The following SGCZ variants were observed in gnomAD, a reference collection of about 807,000 sequenced individuals.
SGCZ encodes zeta-sarcoglycan.
In SGCZ, 40 loss-of-function variants were observed where a neutral mutation model predicts 41.3. That is an observed-to-expected ratio of 0.97 (90% confidence interval 0.75 to 1.26). The LOEUF (loss-of-function observed/expected upper bound fraction) is 1.26. SGCZ is among the 50% of genes most tolerant of loss of function. SGCZ has a pLI of 0.00. For synonymous variants in SGCZ, 206 were observed against 137.5 expected, an observed-to-expected ratio of 1.50 and a Z score of -3.49; for missense variants, 552 against 369.8, an observed-to-expected ratio of 1.49 and a Z score of -4.04.
intron 2 of SGCZ, among the ~76,000 whole-genome samples, chr8:14,462,897 T>C (rs1800942844): frequency 6.6e-6 from 1 of 151,826 alleles, no homozygotes; most frequent in South Asian, 2.1e-4. Context: ...TCTTTCATTG[T>C]ACAAATGTAT....
chr8:14,410,502 G>C (rs1481981206), intron 2 of SGCZ, among the ~76,000 whole-genome samples: 1 of 151,278 alleles, frequency 6.6e-6, no homozygotes, highest in African/African-American at 2.4e-5. Flanking sequence ...TCTATTTTTG[G>C]ACTGTAATGT....
At chr8:14,235,555 G>T (rs934516691) in intron 4 of SGCZ, among the ~76,000 whole-genome samples, 1 of 152,154 alleles carries the variant, frequency 6.6e-6, no homozygotes, top group African/African-American at 2.4e-5. Flanking sequence ...TTTATTTCCT[G>T]CAGGAAAGCA....
At chr8:14,362,713 C>T (rs1219919029) in intron 2 of SGCZ, among the ~76,000 whole-genome samples, 1 of 152,142 alleles carries the variant, frequency 6.6e-6, no homozygotes, top group Non-Finnish European at 1.5e-5. Context: ...CACTCACCAA[C>T]CAGTCCCAGT....
chr8:15,105,308 G>C (rs1473593162), intron 1 of SGCZ, among the ~76,000 whole-genome samples: 1 of 152,014 alleles, frequency 6.6e-6, no homozygotes, highest in South Asian at 2.1e-4. Flanking sequence ...ATGTGTATTA[G>C]TCTCACACAC....
chr8:14,819,727 T>C (rs1444059540), intron 1 of SGCZ, among the ~76,000 whole-genome samples: 4 of 152,064 alleles, frequency 2.6e-5, no homozygotes, highest in African/African-American at 9.7e-5. Context: ...AAAATATTCA[T>C]TGTAGAGAAG....
At chr8:15,026,651 G>C (rs1325039672) in intron 1 of SGCZ, among the ~76,000 whole-genome samples, 1 of 152,126 alleles carries the variant, frequency 6.6e-6, no homozygotes, top group Non-Finnish European at 1.5e-5. Context: ...CAGCTTGAGA[G>C]ATTCATTGTC....
intron 1 of SGCZ, among the ~76,000 whole-genome samples, chr8:14,811,877 T>C (rs1295266917): frequency 6.6e-6 from 1 of 152,080 alleles, no homozygotes; most frequent in Non-Finnish European, 1.5e-5. Flanking sequence ...TCACTGCTTT[T>C]ATTTCAATTA....
intron 1 of SGCZ, among the ~76,000 whole-genome samples, chr8:14,813,391 A>G (rs1025363668): frequency 3.5e-4 from 53 of 152,180 alleles, no homozygotes; most frequent in African/African-American, 1.2e-3. Flanking sequence ...ATGCAACCAA[A>G]AGCTTATGGA....
chr8:14,354,531 C>T (rs2117113562), intron 2 of SGCZ, among the ~76,000 whole-genome samples: 1 of 151,554 alleles, frequency 6.6e-6, no homozygotes, highest in South Asian at 2.1e-4. Context: ...CAGTAATATT[C>T]CAATATATAT....
chr8:14,812,117 A>G (rs1035724823), intron 1 of SGCZ, among the ~76,000 whole-genome samples: 1 of 151,954 alleles, frequency 6.6e-6, no homozygotes, highest in Non-Finnish European at 1.5e-5. Flanking sequence ...TTTTGAAGCA[A>G]TTTATACATT....
chr8:15,101,228 A>G (rs901378153), intron 1 of SGCZ, among the ~76,000 whole-genome samples: 3 of 152,218 alleles, frequency 2.0e-5, no homozygotes, highest in Admixed American at 2.0e-4. Context: ...TAATCCATGA[A>G]ATTTAAAAAA....
chr8:15,137,454 G>A (rs1190380334), intron 1 of SGCZ, among the ~76,000 whole-genome samples: 1 of 152,198 alleles, frequency 6.6e-6, no homozygotes, highest in Non-Finnish European at 1.5e-5. Flanking sequence ...TCCAAGGCAT[G>A]TCGGGGACCT....
At chr8:14,253,619 A>G (rs2117213318) in intron 3 of SGCZ, among the ~76,000 whole-genome samples, 1 of 152,212 alleles carries the variant, frequency 6.6e-6, no homozygotes, top group South Asian at 2.1e-4. Flanking sequence ...TGGTTATATA[A>G]AAAGGTATCT....
At chr8:14,983,950 C>T (rs550771939) in intron 1 of SGCZ, among the ~76,000 whole-genome samples, 19 of 152,204 alleles carry the variant, frequency 1.2e-4, no homozygotes, top group African/African-American at 4.3e-4. Context: ...GTTGTTTCAA[C>T]CAATACTCGC....
At chr8:14,986,554 G>A (rs897377661) in intron 1 of SGCZ, among the ~76,000 whole-genome samples, 8 of 151,934 alleles carry the variant, frequency 5.3e-5, no homozygotes, top group South Asian at 2.1e-4. Context: ...ATTTCCTTTC[G>A]AACAGGTAGA....
rs936152734 is a variant in SGCZ, at chr8:14,992,279, T to C, written c.39+245306A>G. Among the ~76,000 whole-genome samples, 5 of 143,220 alleles carry C rather than the reference T, an allele frequency of 3.5e-5. 1 individual carries two copies. The highest frequency in any genetic ancestry group is 7.1e-5 in the Admixed American group (1 of 14,100). The allele number at this position is 143,220 out of a possible 152,430, so 94.0% of individuals were successfully genotyped here. On this transcript the variant is annotated intron_variant, in intron 1 of 7. Coordinates refer to ENST00000382080, the MANE Select transcript of SGCZ (RefSeq NM_139167.4). ...TTGCTATTTACCTCTCACCCTCAAC[T>C]ATTCAACTCCAAAACTAATGTTGGC... is the stretch of plus-strand genomic sequence containing the variant.
chr8:14,358,030 C>T (rs960058302), intron 2 of SGCZ, among the ~76,000 whole-genome samples: 1 of 152,108 alleles, frequency 6.6e-6, no homozygotes, highest in South Asian at 2.1e-4. Context: ...GACAATGGCC[C>T]GTGTTTATGC....
At chr8:14,524,855 A>G (rs1184380015) in intron 2 of SGCZ, among the ~76,000 whole-genome samples, 2 of 152,060 alleles carry the variant, frequency 1.3e-5, no homozygotes, top group Non-Finnish European at 2.9e-5. Context: ...AAATAACTGT[A>G]GCATGTCTGA....
chr8:14,511,301 T>A (rs1167172186), intron 2 of SGCZ, among the ~76,000 whole-genome samples: 1 of 152,068 alleles, frequency 6.6e-6, no homozygotes, highest in Non-Finnish European at 1.5e-5. Flanking sequence ...TTTTTTTAAA[T>A]CTTCTACTCT....
Sources: gnomAD v4.1 joint callset for allele counts (sites outside exome capture counted in the v4.1 genomes callset) on GRCh38, gnomAD v4.1.1 for gene constraint, MANE v1.5 for transcripts, NCBI Gene and HGNC (gene_info 2026-07-23, HGNC 2026-07-21) for gene names.